Variants in OVAAL observed in about 807,000 individuals in gnomAD.
The protein encoded by OVAAL is long intergenic non-protein coding RNA 1131.
At chr1:180,564,164 T>C (rs1336521921) in intron 2 of OVAAL, among the ~76,000 whole-genome samples, 1 of 152,184 alleles carries the variant, frequency 6.6e-6, no homozygotes, top group East Asian at 1.9e-4. Context: ...CCAACTCATA[T>C]ATGGTAACCC....
At chr1:180,560,956 A>T (rs1653190612) in intron 1 of OVAAL, among the ~76,000 whole-genome samples, 1 of 152,200 alleles carries the variant, frequency 6.6e-6, no homozygotes, top group Non-Finnish European at 1.5e-5. Flanking sequence ...TAAAGGTTTT[A>T]TATGGTAAGT....
chr1:180,560,663 A>G (rs1653184045), intron 1 of OVAAL, among the ~76,000 whole-genome samples: 2 of 152,224 alleles, frequency 1.3e-5, no homozygotes, highest in African/African-American at 4.8e-5. Flanking sequence ...ATGACTTTGT[A>G]TAACCTACAC....
At chr1:180,566,411 T>G (rs1653288380) in exon 3 of OVAAL, 1 of 152,244 alleles carries the variant, frequency 6.6e-6, no homozygotes, top group African/African-American at 2.4e-5. Flanking sequence ...AGTCAGTGTT[T>G]TCTTGTACCA....
At chr1:180,562,047 G>T (rs963657946) in intron 1 of OVAAL, among the ~76,000 whole-genome samples, 5 of 151,758 alleles carry the variant, frequency 3.3e-5, no homozygotes, top group Admixed American at 2.0e-4. Context: ...AATAGAGTTC[G>T]CTTTTCCTTT....
exon 3 of OVAAL, chr1:180,566,315 C>T (rs150647949): frequency 6.6e-6 from 1 of 152,176 alleles, no homozygotes; most frequent in Non-Finnish European, 1.5e-5. Context: ...TTTTTAGAGG[C>T]GTAATAGGAA....
chr1:180,561,792 G>C (rs1247174338), intron 1 of OVAAL, among the ~76,000 whole-genome samples: 3 of 152,114 alleles, frequency 2.0e-5, no homozygotes, highest in Admixed American at 1.3e-4. Context: ...GGAGGCAGAG[G>C]CTGGCAGATA....
intron 1 of OVAAL, among the ~76,000 whole-genome samples, chr1:180,559,717 C>T (rs1470417813): frequency 6.6e-6 from 1 of 151,904 alleles, no homozygotes; most frequent in African/African-American, 2.4e-5. Flanking sequence ...ACCAGCCTGA[C>T]CAACATGGTG....
chr1:180,565,571 G>A (rs913294841), exon 3 of OVAAL: 7 of 152,162 alleles, frequency 4.6e-5, no homozygotes, highest in Non-Finnish European at 8.8e-5. Flanking sequence ...GTGGCAACCT[G>A]TCCACGTATC....
At chr1:180,559,734 C>T (rs550103622) in intron 1 of OVAAL, among the ~76,000 whole-genome samples, 21 of 151,782 alleles carry the variant, frequency 1.4e-4, no homozygotes, top group African/African-American at 3.6e-4. Context: ...GGTGAAACCC[C>T]GTCTCTACTA....
At chr1:180,561,543 T>C (rs1391318133) in intron 1 of OVAAL, among the ~76,000 whole-genome samples, 1 of 151,944 alleles carries the variant, frequency 6.6e-6, no homozygotes, top group Admixed American at 6.6e-5. Flanking sequence ...CCTGGAGTGG[T>C]TGGGTACTCA....
chr1:180,564,699 T>A (rs1444831867), intron 2 of OVAAL, among the ~76,000 whole-genome samples: 3 of 152,100 alleles, frequency 2.0e-5, no homozygotes, highest in South Asian at 4.1e-4. Flanking sequence ...TCCTCAGTTG[T>A]GGGACAAGGA....
chr1:180,561,218 G>A (rs926537510), intron 1 of OVAAL, among the ~76,000 whole-genome samples: 8 of 152,150 alleles, frequency 5.3e-5, no homozygotes, highest in Non-Finnish European at 1.0e-4. Flanking sequence ...AGGGTTGCTC[G>A]AAGGCATTTG....
intron 2 of OVAAL, among the ~76,000 whole-genome samples, chr1:180,563,803 C>T (rs142757991): frequency 1.6e-3 from 250 of 152,268 alleles, no homozygotes; most frequent in African/African-American, 5.8e-3. Flanking sequence ...TGAGTCCGCA[C>T]GCCCAACTCC....
intron 1 of OVAAL, among the ~76,000 whole-genome samples, chr1:180,561,495 A>T (rs1653198600): frequency 6.6e-6 from 1 of 152,164 alleles, no homozygotes; most frequent in African/African-American, 2.4e-5. Context: ...GACAGCTCTC[A>T]GCATCGGGTT....
At chr1:180,563,299 A>G (rs1456760851) in intron 2 of OVAAL, among the ~76,000 whole-genome samples, 1 of 152,210 alleles carries the variant, frequency 6.6e-6, no homozygotes, top group Non-Finnish European at 1.5e-5. Flanking sequence ...TCTCTTATGT[A>G]GGACTAACCA....
At chr1:180,564,284 A>C (rs1468309961) in intron 2 of OVAAL, among the ~76,000 whole-genome samples, 1 of 152,182 alleles carries the variant, frequency 6.6e-6, no homozygotes, top group African/African-American at 2.4e-5. Context: ...GTTAAATTTG[A>C]ATTTCAGATA....
intron 1 of OVAAL, chr1:180,559,007 AC>A: frequency 6.5e-6 from 1 of 153,332 alleles, no homozygotes; most frequent in Non-Finnish European, 1.4e-5. Flanking sequence ...GCCTTTCACC[AC>A]CCCCACACCC....
chr1:180,563,873 A>T (rs964134922), intron 2 of OVAAL, among the ~76,000 whole-genome samples: 1 of 151,994 alleles, frequency 6.6e-6, no homozygotes, highest in South Asian at 2.1e-4. Flanking sequence ...CTATAGGGAG[A>T]CTGCCTTTCC....
At chr1:180,562,931 A>G (rs1653232974) in intron 2 of OVAAL, among the ~76,000 whole-genome samples, 1 of 152,262 alleles carries the variant, frequency 6.6e-6, no homozygotes, top group South Asian at 2.1e-4. Context: ...GATAAAACTG[A>G]GAACATGTTT....
Sources: gnomAD v4.1 joint callset for allele counts (sites outside exome capture counted in the v4.1 genomes callset) on GRCh38, gnomAD v4.1.1 for gene constraint, MANE v1.5 for transcripts, NCBI Gene and HGNC (gene_info 2026-07-23, HGNC 2026-07-21) for gene names.